Variants in BCL2 observed in about 807,000 individuals in gnomAD.
The protein encoded by BCL2 is apoptosis regulator Bcl-2.
In BCL2, 1 loss-of-function variant was observed where a neutral mutation model predicts 14.2. The ratio of observed to expected loss-of-function variants is 0.07; its 90% confidence interval spans 0.02 to 0.33. The LOEUF (loss-of-function observed/expected upper bound fraction) is 0.33, where lower values mean the gene tolerates loss of function less well. Ranked by LOEUF, BCL2 falls within the 10% of genes least tolerant of loss-of-function variation. The probability of loss-of-function intolerance (pLI) is 0.99; values close to 1 mark genes in which losing one functional copy is unlikely to be tolerated. For synonymous variants in BCL2, 151 were observed against 137.2 expected (o/e 1.10, Z -0.70); for missense variants, 247 against 305.9 (o/e 0.81, Z 1.44).
intron 2 of BCL2, among the ~76,000 whole-genome samples, chr18:63,148,099 G>A (rs989422676): frequency 3.9e-5 from 6 of 152,082 alleles, no homozygotes; most frequent in Admixed American, 1.3e-4. Flanking sequence ...GTTGAACTGC[G>A]CTTCCCCGCT....
intron 2 of BCL2, among the ~76,000 whole-genome samples, chr18:63,260,041 A>G (rs899396515): frequency 5.9e-5 from 9 of 152,102 alleles, no homozygotes; most frequent in Admixed American, 5.2e-4. Context: ...TTAGACTCAG[A>G]TGTTCCAGAA....
chr18:63,249,677 TC>T (rs1911249346), intron 2 of BCL2, among the ~76,000 whole-genome samples: 1 of 122,298 alleles, frequency 8.2e-6, no homozygotes, highest in Non-Finnish European at 1.6e-5. Flanking sequence ...ACCACTGCAC[TC>T]CAGCCTGGGT....
At chr18:63,288,407 T>C (rs906562750) in intron 2 of BCL2, among the ~76,000 whole-genome samples, 3 of 152,344 alleles carry the variant, frequency 2.0e-5, no homozygotes, top group African/African-American at 7.2e-5. Flanking sequence ...ACAATACAAA[T>C]CAAGCTTTGA....
Position 63,182,919 on chromosome 18 carries a change from G to A in BCL2, c.586-54160C>T, listed in dbSNP as rs117095866. ...ACAGACTGTAGCCCATCAGGGGAGA[G>A]CAGGATGGAAACAGAGGCTTCCTGA... On this transcript the variant is annotated intron_variant, in intron 2 of 2. Transcript: ENST00000333681. Among the ~76,000 whole-genome samples, 174 of 152,330 alleles carry A rather than the reference G, an allele frequency of 1.1e-3. 4 individuals are homozygous for A. The East Asian group carries it at 0.028, about 24-fold the overall frequency.
At chr18:63,246,278 G>C (rs1416328780) in intron 2 of BCL2, among the ~76,000 whole-genome samples, 3 of 152,168 alleles carry the variant, frequency 2.0e-5, no homozygotes, top group Non-Finnish European at 4.4e-5. Context: ...GGACTTCTCA[G>C]GGCTGGCTCC....
At chr18:63,173,881 T>C (rs1416085526) in intron 2 of BCL2, among the ~76,000 whole-genome samples, 1 of 152,210 alleles carries the variant, frequency 6.6e-6, no homozygotes, top group Non-Finnish European at 1.5e-5. Context: ...CTGACTATAA[T>C]CAAATTTGAC....
chr18:63,292,826 C>T (rs576708477), intron 2 of BCL2, among the ~76,000 whole-genome samples: 6 of 152,336 alleles, frequency 3.9e-5, no homozygotes, highest in African/African-American at 1.4e-4. Flanking sequence ...TCTCCCACCA[C>T]GCATTAGGGA....
intron 2 of BCL2, among the ~76,000 whole-genome samples, chr18:63,208,387 C>T (rs2144671130): frequency 6.6e-6 from 1 of 151,002 alleles, no homozygotes; most frequent in South Asian, 2.1e-4. Context: ...AATCTATCCA[C>T]ACGTTTTTGC....
intron 2 of BCL2, among the ~76,000 whole-genome samples, chr18:63,230,748 C>A (rs910198693): frequency 6.6e-6 from 1 of 151,788 alleles, no homozygotes; most frequent in Non-Finnish European, 1.5e-5. Flanking sequence ...AAATATGTTA[C>A]CAAAGTTGAC....
At chr18:63,244,068 A>G (rs1208896009) in intron 2 of BCL2, among the ~76,000 whole-genome samples, 11 of 152,078 alleles carry the variant, frequency 7.2e-5, no homozygotes, top group Admixed American at 6.5e-4. Context: ...ACATAGTGAG[A>G]CCTCGTCTCT....
chr18:63,212,183 G>A (rs927206640), intron 2 of BCL2, among the ~76,000 whole-genome samples: 8 of 150,976 alleles, frequency 5.3e-5, no homozygotes, highest in South Asian at 4.2e-4. Flanking sequence ...AAAATTAGCT[G>A]GGCGTGGTGG....
intron 2 of BCL2, among the ~76,000 whole-genome samples, chr18:63,174,222 A>G (rs941987964): frequency 1.3e-5 from 2 of 152,220 alleles, no homozygotes; most frequent in African/African-American, 4.8e-5. Flanking sequence ...ATAAACAAAG[A>G]TTACCTACTT....
At chr18:63,201,774 C>T (rs1193955128) in intron 2 of BCL2, among the ~76,000 whole-genome samples, 1 of 151,084 alleles carries the variant, frequency 6.6e-6, no homozygotes, top group Admixed American at 6.6e-5. Flanking sequence ...AGGAGTTGAA[C>T]AATGAGAACA....
At chr18:63,254,051 C>A (rs1219357241) in intron 2 of BCL2, among the ~76,000 whole-genome samples, 1 of 151,742 alleles carries the variant, frequency 6.6e-6, no homozygotes, top group Non-Finnish European at 1.5e-5. Context: ...GTTATTCTTT[C>A]TTTGGTCTCT....
chr18:63,218,649 C>T (rs2144682800), intron 2 of BCL2, among the ~76,000 whole-genome samples: 3 of 152,118 alleles, frequency 2.0e-5, no homozygotes, highest in Non-Finnish European at 2.9e-5. Flanking sequence ...ATCCCATCCT[C>T]CACTCATCCC....
At chr18:63,263,108 C>T (rs1351480378) in intron 2 of BCL2, among the ~76,000 whole-genome samples, 3 of 152,148 alleles carry the variant, frequency 2.0e-5, no homozygotes, top group African/African-American at 7.2e-5. Flanking sequence ...ATCAGGGAAC[C>T]TCAGCCTAGG....
intron 2 of BCL2, among the ~76,000 whole-genome samples, chr18:63,235,547 A>AATAT (rs767100018): frequency 5.3e-4 from 81 of 151,512 alleles, no homozygotes; most frequent in Middle Eastern, 3.4e-3. Flanking sequence ...TACATTTAAA[A>AATAT]ATATATATAT....
intron 2 of BCL2, among the ~76,000 whole-genome samples, chr18:63,133,425 G>T (rs1914125156): frequency 6.9e-6 from 1 of 145,824 alleles, no homozygotes; most frequent in Non-Finnish European, 1.5e-5. Context: ...CGTGTAACTG[G>T]GACTACAGGT....
At chr18:63,233,337 G>T (rs982802641) in intron 2 of BCL2, among the ~76,000 whole-genome samples, 1 of 152,162 alleles carries the variant, frequency 6.6e-6, no homozygotes, top group Non-Finnish European at 1.5e-5. Flanking sequence ...AAGTGATAAA[G>T]CAAGTTCCAG....
Sources: gnomAD v4.1 joint callset for allele counts (sites outside exome capture counted in the v4.1 genomes callset) on GRCh38, gnomAD v4.1.1 for gene constraint, MANE v1.5 for transcripts, NCBI Gene and HGNC (gene_info 2026-07-23, HGNC 2026-07-21) for gene names.